Variants in PDE1A observed in about 807,000 individuals in gnomAD.
The protein encoded by PDE1A is dual specificity calcium/calmodulin-dependent 3',5'-cyclic nucleotide phosphodiesterase 1A.
A neutral mutation model predicts 61.7 loss-of-function variants in PDE1A; 35 were observed. The ratio of observed to expected loss-of-function variants is 0.57; its 90% CI spans 0.43 to 0.75. PDE1A has a LOEUF of 0.75. Ranked by LOEUF, PDE1A falls within the 30% of genes least tolerant of loss-of-function variation. The pLI, the probability that PDE1A is intolerant of heterozygous loss-of-function variation, is 0.00. For missense variants in PDE1A, 597 were observed against 630.6 expected (o/e 0.95, Z 0.57); for synonymous variants, 232 against 213.2 (o/e 1.09, Z -0.77).
At chr2:182,362,731 A>T (rs1699580233) in intron 1 of PDE1A, among the ~76,000 whole-genome samples, 1 of 152,084 alleles carries the variant, frequency 6.6e-6, no homozygotes, top group African/African-American at 2.4e-5. Context: ...TACCCAAAGG[A>T]ATATAAATTG....
chr2:182,297,799 AC>A (rs1235085090), intron 1 of PDE1A, among the ~76,000 whole-genome samples: 3 of 152,120 alleles, frequency 2.0e-5, no homozygotes, highest in Non-Finnish European at 4.4e-5. Flanking sequence ...GTATATGAAT[AC>A]CCTACCCTCT....
chr2:182,240,191 C>T, exon 3 of PDE1A: 1 of 1,613,852 alleles, frequency 6.2e-7, no homozygotes, highest in Non-Finnish European at 8.5e-7. Context: ...TTTTGTCATC[C>T]CCATTTTCCG....
chr2:182,552,876 C>G, the PDE1A span, among the ~76,000 whole-genome samples: 1 of 152,132 alleles, frequency 6.6e-6, no homozygotes, highest in Non-Finnish European at 1.5e-5. Flanking sequence ...ATGTTTGTTA[C>G]GGCTCGAGCT....
At chr2:182,672,755 T>G in the PDE1A span, among the ~76,000 whole-genome samples, 3 of 152,246 alleles carry the variant, frequency 2.0e-5, no homozygotes, top group South Asian at 6.2e-4. Flanking sequence ...CTCTGTAGGA[T>G]GCCTGCCACG....
intron 2 of PDE1A, among the ~76,000 whole-genome samples, chr2:182,246,507 G>A (rs1352962725): frequency 1.4e-5 from 2 of 144,730 alleles, no homozygotes; most frequent in Admixed American, 7.3e-5. Context: ...ATGTTCAAGC[G>A]ATTCTCCTGC....
chr2:182,661,520 G>C, the PDE1A span, among the ~76,000 whole-genome samples: 10 of 152,072 alleles, frequency 6.6e-5, no homozygotes, highest in Non-Finnish European at 1.2e-4. Flanking sequence ...CAGAAACAGA[G>C]TAACCCCCAT....
chr2:182,472,768 C>A (rs1478909186), intron 2 of PDE1A, among the ~76,000 whole-genome samples: 1 of 151,460 alleles, frequency 6.6e-6, no homozygotes, highest in African/African-American at 2.4e-5. Flanking sequence ...AATTCACAGA[C>A]CTTCTAAACA....
At chr2:182,338,619 G>A (rs1480974522) in intron 1 of PDE1A, among the ~76,000 whole-genome samples, 1 of 152,086 alleles carries the variant, frequency 6.6e-6, no homozygotes, top group Non-Finnish European at 1.5e-5. Flanking sequence ...CTGCCTCCCA[G>A]GTTCAGCCAT....
intron 1 of PDE1A, among the ~76,000 whole-genome samples, chr2:182,398,530 T>C (rs1008365893): frequency 3.3e-5 from 5 of 152,066 alleles, no homozygotes; most frequent in African/African-American, 1.2e-4. Context: ...TTTTGCACAG[T>C]TGAATTAAGA....
chr2:182,465,839 C>G (rs1029956495), intron 2 of PDE1A, among the ~76,000 whole-genome samples: 1 of 151,948 alleles, frequency 6.6e-6, no homozygotes, highest in Non-Finnish European at 1.5e-5. Flanking sequence ...TTGACATATC[C>G]ATTTTGATGA....
the PDE1A span, among the ~76,000 whole-genome samples, chr2:182,645,276 G>GTGCCCAGC: frequency 2.6e-5 from 4 of 151,580 alleles, no homozygotes; most frequent in Non-Finnish European, 5.9e-5. Context: ...GTGAGCCACC[G>GTGCCCAGC]CCTCTTCTGT....
chr2:182,661,379 A>G, the PDE1A span, among the ~76,000 whole-genome samples: 1 of 152,306 alleles, frequency 6.6e-6, no homozygotes, highest in South Asian at 2.1e-4. Context: ...TAAATCAATA[A>G]TTATTCAGTG....
At chr2:182,276,115 T>C (rs1026846951) in intron 1 of PDE1A, among the ~76,000 whole-genome samples, 2 of 152,108 alleles carry the variant, frequency 1.3e-5, no homozygotes, top group African/African-American at 4.8e-5. Flanking sequence ...TCTCCCATCC[T>C]TCCTTCCTTT....
At chr2:182,217,476 C>G (rs1688294221) in intron 7 of PDE1A, among the ~76,000 whole-genome samples, 2 of 128,482 alleles carry the variant, frequency 1.6e-5, no homozygotes, top group South Asian at 5.5e-4. Context: ...TCAGAGTGAA[C>G]AGGCAACCTA....
intron 1 of PDE1A, among the ~76,000 whole-genome samples, chr2:182,394,024 G>T (rs113021864): frequency 0.021 from 3,222 of 152,190 alleles, 116 homozygotes; most frequent in African/African-American, 0.074. Flanking sequence ...TTCTTCTTCT[G>T]AGTCCTCCAA....
the PDE1A span, among the ~76,000 whole-genome samples, chr2:182,688,766 G>T: frequency 6.6e-6 from 1 of 152,214 alleles, no homozygotes; most frequent in Non-Finnish European, 1.5e-5. Flanking sequence ...CCATCAGTCT[G>T]CTGTATTCAG....
At chr2:182,297,600 C>T (rs886502250) in intron 1 of PDE1A, among the ~76,000 whole-genome samples, 1 of 152,194 alleles carries the variant, frequency 6.6e-6, no homozygotes, top group African/African-American at 2.4e-5. Flanking sequence ...TACACTAAGA[C>T]GTTAGATGTC....
At position 182,253,158 on chromosome 2, in the gene PDE1A, G is replaced by A. The variant is rs181452926; in HGVS notation, c.167+11143C>T. Among the ~76,000 whole-genome samples the A allele has an allele frequency of 2.9e-3, 446 of 152,254 alleles. 3 individuals carry two copies. Among genetic ancestry groups the A allele is most frequent in the Non-Finnish European group, 4.7e-3 (320 of 68,014 alleles). ...ATTTGCATTAGGATTTATTGTTAGG[G>A]TAAAGTGACTCCTGGGAAGGATTAG... On this transcript the variant is annotated intron_variant, in intron 2 of 13. Transcript: ENST00000351439.
chr2:182,201,153 C>T (rs968274149), intron 10 of PDE1A, among the ~76,000 whole-genome samples: 2 of 152,318 alleles, frequency 1.3e-5, no homozygotes, highest in Middle Eastern at 3.4e-3. Context: ...TGCTGTGGCA[C>T]TTACGTCTTA....
Sources: gnomAD v4.1 joint callset for allele counts (sites outside exome capture counted in the v4.1 genomes callset) on GRCh38, gnomAD v4.1.1 for gene constraint, MANE v1.5 for transcripts, NCBI Gene and HGNC (gene_info 2026-07-23, HGNC 2026-07-21) for gene names.